ADGRL2: variants seen among roughly 807,000 people sequenced by gnomAD.
ADGRL2 encodes adhesion G protein-coupled receptor L2, also known as calcium-independent alpha-latrotoxin receptor 2.
A neutral mutation model predicts 157.4 loss-of-function variants in ADGRL2; 44 were observed. The observed-to-expected ratio is 0.28, with a 90% CI of 0.22 to 0.36. The LOEUF (loss-of-function observed/expected upper bound fraction) is 0.36. Among genes scored for constraint, ADGRL2 ranks in the 10% least tolerant of loss-of-function variants. The probability of loss-of-function intolerance (pLI) is 1.00; values close to 1 mark genes in which losing one functional copy is unlikely to be tolerated. For missense variants in ADGRL2, 1,510 were observed against 1,768.9 expected, an observed-to-expected ratio of 0.85 and a Z score of 2.63; for synonymous variants, 585 against 624.7, an observed-to-expected ratio of 0.94 and a Z score of 0.95.
chr1:81,588,771 T>G (rs1301219803), intron 3 of ADGRL2, among the ~76,000 whole-genome samples: 1 of 152,194 alleles, frequency 6.6e-6, no homozygotes, highest in Non-Finnish European at 1.5e-5. Flanking sequence ...CTCTAACATG[T>G]AGCAGCATTT....
chr1:81,380,167 T>A (rs562974554), intron 1 of ADGRL2, among the ~76,000 whole-genome samples: 5 of 152,332 alleles, frequency 3.3e-5, no homozygotes, highest in South Asian at 2.1e-4. Context: ...CAGTCTAAAT[T>A]TAATTTGCAT....
intron 10 of ADGRL2, among the ~76,000 whole-genome samples, chr1:81,954,227 T>G (rs61773962): frequency 6.6e-6 from 1 of 151,358 alleles, no homozygotes; most frequent in African/African-American, 2.4e-5. Context: ...TTTTTTTTCC[T>G]TTGGCAGAAA....
intron 2 of ADGRL2, among the ~76,000 whole-genome samples, chr1:81,445,944 A>G (rs1449244583): frequency 6.6e-6 from 1 of 152,072 alleles, no homozygotes; most frequent in Non-Finnish European, 1.5e-5. Context: ...CTATTTTTTG[A>G]TGTCCTCACT....
chr1:81,683,669 G>T (rs2083166608), intron 3 of ADGRL2, among the ~76,000 whole-genome samples: 1 of 152,048 alleles, frequency 6.6e-6, no homozygotes, highest in South Asian at 2.1e-4. Context: ...GTGTGTGTGT[G>T]TGTATGTATG....
At chr1:81,975,098 C>A (rs1483271444) in intron 17 of ADGRL2, among the ~76,000 whole-genome samples, 1 of 151,988 alleles carries the variant, frequency 6.6e-6, no homozygotes, top group African/African-American at 2.4e-5. Context: ...CACAGACACA[C>A]ACACGCCCAG....
At chr1:81,896,362 G>A (rs1418534279) in intron 2 of ADGRL2, among the ~76,000 whole-genome samples, 1 of 152,034 alleles carries the variant, frequency 6.6e-6, no homozygotes, top group East Asian at 1.9e-4. Context: ...AGGGTGGGAG[G>A]GGGACGGAGA....
At chr1:81,632,240 A>G (rs746405237) in intron 3 of ADGRL2, among the ~76,000 whole-genome samples, 12 of 152,216 alleles carry the variant, frequency 7.9e-5, no homozygotes, top group Non-Finnish European at 1.6e-4. Context: ...GAGCTTAAGT[A>G]GTGGTAAAAG....
At chr1:81,491,413 T>G (rs183909531) in intron 2 of ADGRL2, among the ~76,000 whole-genome samples, 39 of 151,730 alleles carry the variant, frequency 2.6e-4, no homozygotes, top group Admixed American at 3.9e-4. Flanking sequence ...AAGCTATACT[T>G]TTATGATTTT....
chr1:81,986,180 A>C lies in ADGRL2; in HGVS notation c.3509-721A>C, dbSNP rs151127765. On this transcript the variant is annotated intron_variant, in intron 21 of 23. Coordinates refer to ENST00000686636, the MANE Select transcript of ADGRL2 (RefSeq NM_001366006.2). ...AAAAGTTTGTAATTTGTCAGTTAGA[A>C]TGAAAGACGTGCATTTCTTCTGTTG... is the stretch of plus-strand genomic sequence containing the variant. Among the ~76,000 whole-genome samples the C allele has an allele frequency of 5.1e-3, 784 of 152,240 alleles. 3 individuals carry two copies. Among genetic ancestry groups the C allele is most frequent in the Non-Finnish European group, 9.4e-3 (640 of 67,972 alleles).
intron 2 of ADGRL2, chr1:81,501,932 ACT>A (rs1006588033): frequency 4.2e-5 from 68 of 1,613,396 alleles, no homozygotes; most frequent in African/African-American, 5.4e-5. Context: ...CACGCAGCCG[ACT>A]CTCTTTTCCG....
At chr1:81,720,099 A>C (rs1409520784) in intron 1 of ADGRL2, among the ~76,000 whole-genome samples, 1 of 151,904 alleles carries the variant, frequency 6.6e-6, no homozygotes, top group African/African-American at 2.4e-5. Flanking sequence ...GAAAATGGAG[A>C]TTCTTCTAGT....
At chr1:81,766,384 T>G (rs2086118485) in intron 2 of ADGRL2, among the ~76,000 whole-genome samples, 1 of 152,202 alleles carries the variant, frequency 6.6e-6, no homozygotes, top group Admixed American at 6.5e-5. Context: ...CCATTTTATA[T>G]CTTCAAATAT....
intron 3 of ADGRL2, among the ~76,000 whole-genome samples, chr1:81,679,227 A>G (rs2083058171): frequency 6.6e-6 from 1 of 152,186 alleles, no homozygotes; most frequent in Non-Finnish European, 1.5e-5. Context: ...CAGTGTTTCC[A>G]TAAGGGGAAT....
intron 2 of ADGRL2, among the ~76,000 whole-genome samples, chr1:81,496,773 C>T (rs1408552844): frequency 6.6e-6 from 1 of 152,160 alleles, no homozygotes; most frequent in East Asian, 1.9e-4. Context: ...TGAATCTGTT[C>T]ATCAGGAGGC....
At chr1:81,464,888 A>AG (rs757935089) in intron 2 of ADGRL2, among the ~76,000 whole-genome samples, 105 of 151,702 alleles carry the variant, frequency 6.9e-4, no homozygotes, top group Non-Finnish European at 1.2e-3. Flanking sequence ...GTCCAGGGGA[A>AG]GAGAAGGCTG....
intron 17 of ADGRL2, among the ~76,000 whole-genome samples, chr1:81,973,477 G>A (rs1455087563): frequency 6.6e-6 from 1 of 152,018 alleles, no homozygotes; most frequent in Non-Finnish European, 1.5e-5. Context: ...TGGCCAATGA[G>A]GCTATCATGT....
chr1:81,762,583 A>C (rs1180181818), intron 2 of ADGRL2, among the ~76,000 whole-genome samples: 1 of 152,136 alleles, frequency 6.6e-6, no homozygotes, highest in Non-Finnish European at 1.5e-5. Flanking sequence ...GTGGTTTAAG[A>C]GTATTCCCTA....
intron 2 of ADGRL2, among the ~76,000 whole-genome samples, chr1:81,563,298 G>T (rs934829975): frequency 1.3e-5 from 2 of 152,208 alleles, no homozygotes; most frequent in South Asian, 2.1e-4. Context: ...TTTTAGGGTG[G>T]TTTTTATTGC....
intron 3 of ADGRL2, among the ~76,000 whole-genome samples, chr1:81,653,218 C>T (rs1570742341): frequency 6.6e-6 from 1 of 151,920 alleles, no homozygotes; most frequent in African/African-American, 2.4e-5. Context: ...CTTGAAGAGT[C>T]CTCCTCCATT....
Sources: allele counts gnomAD v4.1 joint callset (sites outside exome capture counted in the v4.1 genomes callset), GRCh38; gene constraint gnomAD v4.1.1; transcripts MANE v1.5; gene names NCBI Gene and HGNC (gene_info 2026-07-23, HGNC 2026-07-21).